The following TATDN2 variants were observed in gnomAD, a reference collection of about 807,000 sequenced individuals.
TATDN2 encodes the protein TatD DNase domain containing 2.
In TATDN2, 44 loss-of-function variants were observed where a neutral mutation model predicts 60.3. The ratio of observed to expected loss-of-function variants is 0.73; its 90% CI spans 0.57 to 0.94. TATDN2 has a LOEUF of 0.94. Ranked by LOEUF, TATDN2 falls within the 40% of genes least tolerant of loss-of-function variation. The pLI is 0.00. For missense variants in TATDN2, 997 were observed against 948.0 expected, an observed-to-expected ratio of 1.05 and a Z score of -0.68; for synonymous variants, 399 against 355.8, an observed-to-expected ratio of 1.12 and a Z score of -1.37.
intron 3 of TATDN2, among the ~76,000 whole-genome samples, chr3:10,266,858 A>G (rs182594328): frequency 2.2e-4 from 33 of 152,164 alleles, no homozygotes; most frequent in African/African-American, 7.9e-4. Context: ...CTCTTTGCTC[A>G]GTGCCCAGTA....
intron 4 of TATDN2, among the ~76,000 whole-genome samples, chr3:10,271,583 C>A (rs1698564730): frequency 6.6e-6 from 1 of 152,156 alleles, no homozygotes; most frequent in African/African-American, 2.4e-5. Context: ...TGATTACAGG[C>A]ATGAGCCACT....
At chr3:10,250,983 T>C (rs1698226732) in intron 2 of TATDN2, among the ~76,000 whole-genome samples, 2 of 152,228 alleles carry the variant, frequency 1.3e-5, no homozygotes, top group African/African-American at 4.8e-5. Flanking sequence ...TCAGGTGTGC[T>C]GAATCCCTGG....
At position 10,279,290 on chromosome 3, in the gene TATDN2, G is replaced by A. The variant is rs1361035770; in HGVS notation, c.*108G>A. ...GTCTCAGGTCGAGGATGTGTTTAGA[G>A]AGCTGATTGGAACACAGAAAACCAG... On this transcript the variant is annotated 3_prime_UTR_variant, in exon 8 of 8. Coordinates refer to ENST00000448281, the MANE Select transcript of TATDN2 (RefSeq NM_014760.4). The A allele has an allele frequency of 5.9e-6, 2 of 339,068 alleles. No individual in the cohort carries two copies. Among genetic ancestry groups the A allele is most frequent in the Non-Finnish European group, 1.1e-5 (2 of 182,338 alleles). 21.0% of individuals were successfully genotyped at this position (339,068 alleles called of 1,614,324 possible).
chr3:10,264,713 C>T (rs1158521819), intron 3 of TATDN2, among the ~76,000 whole-genome samples: 2 of 151,038 alleles, frequency 1.3e-5, no homozygotes, highest in East Asian at 1.9e-4. Flanking sequence ...GAGTCTCACT[C>T]TGCCACCCAG....
chr3:10,248,981 A>G lies in TATDN2; in HGVS notation c.-93A>G. ...GGAAACCGACGGCAGCCTTTAGTCA[A>G]TTTTGGATCGCTTTGACTTCTCCAA... On this transcript the variant is annotated 5_prime_UTR_variant, in exon 1 of 8. Transcript: ENST00000448281. 2 of 470,192 alleles carry G rather than the reference A, an allele frequency of 4.3e-6. No individual in the cohort carries two copies. Among genetic ancestry groups the G allele is most frequent in the Admixed American group, 4.2e-5 (1 of 23,874 alleles). The allele number at this position is 470,192 out of a possible 1,614,324, so 29.1% of individuals were successfully genotyped here. A position where few individuals can be genotyped will look rare whatever the true frequency, so the allele number is the denominator to read the frequency against.
intron 3 of TATDN2, among the ~76,000 whole-genome samples, chr3:10,268,712 G>C (rs140118888): frequency 6.6e-6 from 1 of 152,192 alleles, no homozygotes; most frequent in Non-Finnish European, 1.5e-5. Context: ...ATGGAGATGT[G>C]ATGCTAAGTT....
rs1198192857 is a variant in TATDN2 at position 10,260,528 on chromosome 3, G to A, written c.806G>A (p.Ser269Asn). The change falls in exon 3 of 8, where the codon AGC (serine) becomes AAC (asparagine). Residue 269 changes from serine to asparagine, a missense_variant. Physicochemically the swap from Ser to Asn is conservative, Grantham distance 46 (BLOSUM62 1). Coordinates refer to ENST00000448281, the MANE Select transcript of TATDN2 (RefSeq NM_014760.4). ...EEDKTVPERSSFYDRRVVIDP... is the reference protein window; with the variant it reads ...EEDKTVPERSNFYDRRVVIDP... ...GATAAGACAGTGCCAGAGAGGAGCAGCTTCTATGACAGGAGAGTAGTTATA... is the reference window on the plus strand; with the variant it reads ...GATAAGACAGTGCCAGAGAGGAGCAACTTCTATGACAGGAGAGTAGTTATA... 1 of 1,614,066 alleles carries A rather than the reference G, an allele frequency of 6.2e-7. No individual in the cohort carries two copies. Among genetic ancestry groups the A allele is most frequent in the South Asian group, 1.1e-5 (1 of 91,080 alleles).
At chr3:10,256,024 CTT>C (rs1196465264) in intron 2 of TATDN2, among the ~76,000 whole-genome samples, 7 of 152,188 alleles carry the variant, frequency 4.6e-5, no homozygotes, top group Admixed American at 1.3e-4. Flanking sequence ...TTTATGTCCT[CTT>C]TTCTTATTTT....
Position 10,249,361 on chromosome 3 carries a change from G to A in TATDN2, c.161G>A (p.Arg54His), listed in dbSNP as rs768894672. 8.7e-6 allele frequency: 14 copies of A among 1,612,662 alleles called. No homozygotes were observed. The African/African-American group carries it at 1.1e-4, about 12-fold the overall frequency. Residue 54 changes from arginine (R) to histidine (H), a missense_variant, in exon 2 of 8, where the codon CGC (arginine) becomes CAC (histidine). By Grantham distance (29) the Arg-to-His change is conservative. Coordinates refer to ENST00000448281, the MANE Select transcript of TATDN2 (RefSeq NM_014760.4). ...TCTGGAGGGCCCAGCAGCCCCAAGC[G>A]CCTGAAAGCCCAGAAGGAGGACGAT... ...SRSGGPSSPK[R>H]LKAQKEDDVA...
chr3:10,278,227 G>A lies in TATDN2; in HGVS notation c.1962-52G>A. On this transcript the variant is annotated intron_variant, in intron 5 of 7. Coordinates refer to ENST00000448281, the MANE Select transcript of TATDN2 (RefSeq NM_014760.4). This position sits in a 1 kb window ranked among gnomAD's most constrained non-coding sequence, Gnocchi z 4.7. Reference sequence around the variant, plus strand: ...GGTGATGGGTGTGGGGGGAGCTGGGGGCTGCTGCAGAGGGGACTGTGAGCA... The same window carrying A: ...GGTGATGGGTGTGGGGGGAGCTGGGAGCTGCTGCAGAGGGGACTGTGAGCA... The A allele has an allele frequency of 1.9e-6, 3 of 1,575,046 alleles. No homozygotes were observed. The South Asian group carries it at 3.5e-5, about 18-fold the overall frequency.
rs1353417905 is a variant in TATDN2, at chr3:10,278,148, G to C, written c.1962-131G>C. 1.9e-6 allele frequency: 2 copies of C among 1,074,122 alleles called. No individual in the cohort carries two copies. The highest frequency in any genetic ancestry group is 2.7e-6 in the Non-Finnish European group (2 of 737,316). The allele number at this position is 1,074,122 out of a possible 1,614,324, so 66.5% of individuals were successfully genotyped here. A position where few individuals can be genotyped will look rare whatever the true frequency, so the allele number is the denominator to read the frequency against. On this transcript the variant is annotated intron_variant, in intron 5 of 7. Coordinates refer to ENST00000448281, the MANE Select transcript of TATDN2 (RefSeq NM_014760.4). This position sits in a 1 kb window ranked among gnomAD's most constrained non-coding sequence, Gnocchi z 4.7. Reference sequence around the variant, plus strand: ...GAGCCAGCCCTTGTCTGTGTTTACTGTGGAGTCCTTCCCTAGGATGCAGTC... The same window carrying C: ...GAGCCAGCCCTTGTCTGTGTTTACTCTGGAGTCCTTCCCTAGGATGCAGTC...
At chr3:10,257,597 C>T (rs1436044946) in intron 2 of TATDN2, among the ~76,000 whole-genome samples, 10 of 69,182 alleles carry the variant, frequency 1.4e-4, no homozygotes, top group African/African-American at 5.0e-4. Context: ...CCACTGTCTC[C>T]AAAAAAAAAA....
At chr3:10,250,959 C>T (rs11707074) in intron 2 of TATDN2, among the ~76,000 whole-genome samples, 35,306 of 152,080 alleles carry the variant, frequency 0.23, 4,733 homozygotes, top group Middle Eastern at 0.36. Flanking sequence ...AGGAAATTTA[C>T]TTTACATAGT....
intron 3 of TATDN2, among the ~76,000 whole-genome samples, chr3:10,269,899 C>T (rs116021994): frequency 0.014 from 2,131 of 152,272 alleles, 42 homozygotes; most frequent in African/African-American, 0.049. Flanking sequence ...GCCATGGTCA[C>T]AGGCCTATTC....
chr3:10,248,865 G>A lies in TATDN2; in HGVS notation c.-209G>A. 1 of 302,144 alleles carries A rather than the reference G, an allele frequency of 3.3e-6. No homozygotes were observed. Among genetic ancestry groups the A allele is most frequent in the Non-Finnish European group, 6.1e-6 (1 of 165,238 alleles). 18.7% of individuals were successfully genotyped at this position (302,144 alleles called of 1,614,324 possible). A position where few individuals can be genotyped will look rare whatever the true frequency, so the allele number is the denominator to read the frequency against. On this transcript the variant is annotated 5_prime_UTR_variant, in exon 1 of 8. Transcript: ENST00000448281. ...GGCTTTATATTGCAAACTGATCAAA[G>A]CGCTTCGTAGCCCCGGAAGCGCTTA... is the stretch of plus-strand genomic sequence containing the variant.
chr3:10,271,267 A>C (rs1243757101), intron 4 of TATDN2, among the ~76,000 whole-genome samples: 2 of 152,210 alleles, frequency 1.3e-5, no homozygotes, highest in East Asian at 3.8e-4. Context: ...ATCAATGTCA[A>C]AACATTTGTT....
At chr3:10,265,506 C>A (rs1332702395) in intron 3 of TATDN2, among the ~76,000 whole-genome samples, 1 of 151,002 alleles carries the variant, frequency 6.6e-6, no homozygotes, top group Admixed American at 6.6e-5. Flanking sequence ...ACGGTGAAAC[C>A]CCGTCTCTAC....
intron 2 of TATDN2, among the ~76,000 whole-genome samples, chr3:10,252,091 T>C (rs1698239777): frequency 7.3e-6 from 1 of 136,900 alleles, no homozygotes; most frequent in Non-Finnish European, 1.5e-5. Context: ...GAGCTTGCAG[T>C]GAACCGAGAT....
intron 4 of TATDN2, among the ~76,000 whole-genome samples, chr3:10,273,926 C>T (rs1007089712): frequency 1.7e-4 from 26 of 152,162 alleles, no homozygotes; most frequent in African/African-American, 5.1e-4. Flanking sequence ...CTGTCCTTCC[C>T]TACCCAGGCT....
Sources: gnomAD v4.1 joint callset for allele counts (sites outside exome capture counted in the v4.1 genomes callset) on GRCh38, gnomAD v4.1.1 for gene constraint, Gnocchi (gnomAD v3.1) non-coding constraint, MANE v1.5 for transcripts, NCBI Gene and HGNC (gene_info 2026-07-23, HGNC 2026-07-21) for gene names.